Variants in POR observed in about 807,000 individuals in gnomAD.
POR encodes cytochrome p450 oxidoreductase, also known as NADPH--cytochrome P450 reductase.
POR carries 56 observed loss-of-function variants against 84.0 expected under a neutral mutation model. The ratio of observed to expected loss-of-function variants is 0.67; its 90% CI spans 0.54 to 0.83. The LOEUF is 0.83. Among genes scored for constraint, POR ranks in the 40% least tolerant of loss-of-function variants. The pLI, the probability that POR is intolerant of heterozygous loss-of-function variation, is 0.00. For synonymous variants in POR, 414 were observed against 400.5 expected (o/e 1.03, Z -0.40); for missense variants, 938 against 944.3 (o/e 0.99, Z 0.09).
At position 75,983,465 on chromosome 7, in the gene POR, G is replaced by A. The variant is rs13240147; in HGVS notation, c.831-55G>A. 0.93 allele frequency: 1,202,126 copies of A among 1,289,992 alleles called. 564,863 individuals carry two copies. The highest frequency in any genetic ancestry group is 0.96 in the Non-Finnish European group (857,499 of 890,792). 79.9% of individuals were successfully genotyped at this position (1,289,992 alleles called of 1,614,324 possible). A position where few individuals can be genotyped will look rare whatever the true frequency, so the allele number is the denominator to read the frequency against. On this transcript the variant is annotated intron_variant, in intron 8 of 15. Transcript: ENST00000461988. ...TGCAACCAGAAGCGTCCTTGGAGAC[G>A]GAGACTCAGATCAAAGCCCCGGCCG...
intron 3 of POR, among the ~76,000 whole-genome samples, chr7:75,973,514 C>T (rs533702075): frequency 7.6e-4 from 115 of 152,022 alleles, no homozygotes; most frequent in Non-Finnish European, 1.1e-3. Flanking sequence ...AACAGGTTCT[C>T]GCTATGTTGC....
chr7:75,923,986 C>T (rs533501435), intron 1 of POR, among the ~76,000 whole-genome samples: 3 of 152,206 alleles, frequency 2.0e-5, no homozygotes, highest in South Asian at 2.1e-4. Context: ...GCGTTTTCTA[C>T]GTTGGCTGCT....
intron 2 of POR, among the ~76,000 whole-genome samples, chr7:75,955,400 A>T (rs1554553618): frequency 6.6e-6 from 1 of 152,224 alleles, no homozygotes; most frequent in African/African-American, 2.4e-5. Flanking sequence ...TCCAAGATTG[A>T]TTTCCATAAG....
chr7:75,954,280 T>C (rs553625590), intron 2 of POR, 100 bp downstream of exon 2: 1 of 1,255,638 alleles, frequency 8.0e-7, no homozygotes, highest in East Asian at 2.5e-5. Context: ...GCAAGGCTCC[T>C]TGTAGCATTT....
chr7:75,960,433 C>T (rs1272731209), intron 2 of POR, among the ~76,000 whole-genome samples: 2 of 152,164 alleles, frequency 1.3e-5, no homozygotes, highest in Non-Finnish European at 2.9e-5. Context: ...AATGCTCAGC[C>T]TCTTGAGTAG....
In POR at chr7:75,986,212, C is replaced by A. The variant is rs553145252; in HGVS notation, c.1869C>A (p.Ile623=). Residue 623 remains isoleucine (I), a synonymous_variant, in exon 15 of 16, where the codon ATC becomes ATA. Coordinates refer to ENST00000461988, the MANE Select transcript of POR (RefSeq NM_000941.3). ...ACCGAGAGCACCTGTGGAAGTTGAT[C>A]GAAGGCGGTGCCCACATCTACGTCT... The A allele has an allele frequency of 1.7e-5, 28 of 1,612,416 alleles. 1 individual carries two copies. The South Asian group carries it at 2.4e-4, about 14-fold the overall frequency.
intron 1 of POR, among the ~76,000 whole-genome samples, chr7:75,951,210 C>T (rs782488212): frequency 6.6e-6 from 1 of 151,954 alleles, no homozygotes; most frequent in Admixed American, 6.6e-5. Context: ...GCCTGGCTGA[C>T]ATGGTGAAAC....
At position 75,986,803 on chromosome 7, in the gene POR, G is replaced by GTAAA; in HGVS notation, c.*326_*329dup. 3.5e-6 allele frequency: 2 copies of GTAAA among 577,014 alleles called. No individual in the cohort carries two copies. The highest frequency in any genetic ancestry group is 6.1e-6 in the Non-Finnish European group (2 of 327,222). The allele number at this position is 577,014 out of a possible 1,614,324, so 35.7% of individuals were successfully genotyped here. The stretch of plus-strand genomic sequence containing the variant: ...CCCCTCCACGTGATTTCCAGTGAGT[G>GTAAA]TAAATAATTTTAAATAACCTCTGGC... On this transcript the variant is annotated 3_prime_UTR_variant, in exon 16 of 16. Coordinates refer to ENST00000461988, the MANE Select transcript of POR (RefSeq NM_000941.3).
At chr7:75,979,390 G>A (rs1214834074) in intron 3 of POR, 61 bp from the exon 4 acceptor site, 9 of 1,584,252 alleles carry the variant, frequency 5.7e-6, no homozygotes, top group Non-Finnish European at 7.7e-6. Context: ...CCCAGTGGGT[G>A]TTCACCGGAG....
intron 1 of POR, among the ~76,000 whole-genome samples, chr7:75,918,011 C>A (rs1328388025): frequency 6.6e-6 from 1 of 151,814 alleles, no homozygotes; most frequent in African/African-American, 2.4e-5. Flanking sequence ...AAAAAAAATA[C>A]AAATACAAAA....
At chr7:75,972,107 C>T (rs1475032240) in intron 2 of POR, among the ~76,000 whole-genome samples, 1 of 152,096 alleles carries the variant, frequency 6.6e-6, no homozygotes, top group Admixed American at 6.5e-5. Flanking sequence ...TTGAGGGAAA[C>T]AAGCCCATAT....
At chr7:75,933,392 T>TG (rs1289139589) in intron 1 of POR, among the ~76,000 whole-genome samples, 2,249 of 96,148 alleles carry the variant, frequency 0.023, 67 homozygotes, top group African/African-American at 0.14. Flanking sequence ...TTTTTTTTTT[T>TG]TTTTTTTTTT....
rs1554553283 is a variant in POR, at chr7:75,953,924, C to A, written c.-4-65C>A. 4.4e-6 allele frequency: 6 copies of A among 1,365,558 alleles called. No individual in the cohort carries two copies. The African/African-American group carries it at 7.3e-5, about 17-fold the overall frequency. 84.6% of individuals were successfully genotyped at this position (1,365,558 alleles called of 1,614,324 possible). A position where few individuals can be genotyped will look rare whatever the true frequency, so the allele number is the denominator to read the frequency against. ...CAAGGCCCAGCATTTAGGTGGGCACCCCAGCCAGCCTCAGGGGCACCCTGC... is the reference window on the plus strand; with the variant it reads ...CAAGGCCCAGCATTTAGGTGGGCACACCAGCCAGCCTCAGGGGCACCCTGC... On this transcript the variant is annotated intron_variant, in intron 1 of 15. Coordinates refer to ENST00000461988, the MANE Select transcript of POR (RefSeq NM_000941.3).
chr7:75,965,250 A>C (rs1219399324), intron 2 of POR, among the ~76,000 whole-genome samples: 1 of 152,184 alleles, frequency 6.6e-6, no homozygotes, highest in African/African-American at 2.4e-5. Flanking sequence ...AGCCGAGTGC[A>C]AATGCAGGTG....
At chr7:75,927,757 G>A (rs780179070) in intron 1 of POR, among the ~76,000 whole-genome samples, 81 of 146,534 alleles carry the variant, frequency 5.5e-4, no homozygotes, top group Non-Finnish European at 1.1e-3. Context: ...TGCAACCTCT[G>A]CCTCCCGGGT....
In POR at chr7:75,979,468, G is replaced by T. The variant is rs544187501; in HGVS notation, c.255G>T (p.Val85=). 1.2e-6 allele frequency: 2 copies of T among 1,613,264 alleles called. No individual in the cohort carries two copies. The highest frequency in any genetic ancestry group is 2.7e-5 in the African/African-American group (2 of 74,928). Residue 85 remains valine (V), a synonymous_variant, in exon 4 of 16, where the codon GTG becomes GTT. Coordinates refer to ENST00000461988, the MANE Select transcript of POR (RefSeq NM_000941.3). ...TTCCTTAGGGGAGGAACATCATCGT[G>T]TTCTACGGCTCCCAGACGGGGACTG...
intron 1 of POR, among the ~76,000 whole-genome samples, chr7:75,944,633 CAACTT>C (rs67675959): frequency 0.21 from 31,380 of 151,796 alleles, 5,117 homozygotes; most frequent in African/African-American, 0.45. Flanking sequence ...ACAAAACTCT[CAACTT>C]GAATGAGAAA....
chr7:75,936,353 C>T lies in POR; in HGVS notation c.-4-17636C>T, dbSNP rs567308872. Among the ~76,000 whole-genome samples the T allele has an allele frequency of 2.0e-5, 3 of 151,856 alleles. No homozygotes were observed. The South Asian group carries it at 6.3e-4, about 32-fold the overall frequency. On this transcript the variant is annotated intron_variant, in intron 1 of 15. Transcript: ENST00000461988. ...CGAACCTCTGGCCTCAGCACTTCTCCAGCCTCGGCCTCCCAAAGTGCTGAG... is the reference window on the plus strand; with the variant it reads ...CGAACCTCTGGCCTCAGCACTTCTCTAGCCTCGGCCTCCCAAAGTGCTGAG...
At chr7:75,949,137 TTTGTTGTTGTTG>T (rs147245532) in intron 1 of POR, among the ~76,000 whole-genome samples, 3 of 151,134 alleles carry the variant, frequency 2.0e-5, no homozygotes, top group African/African-American at 4.9e-5. Context: ...ACTTCAGGGC[TTTGTTGTTGTTG>T]TTGTTGTTGT....
Sources: gnomAD v4.1 joint callset for allele counts (sites outside exome capture counted in the v4.1 genomes callset) on GRCh38, gnomAD v4.1.1 for gene constraint, MANE v1.5 for transcripts, NCBI Gene and HGNC (gene_info 2026-07-23, HGNC 2026-07-21) for gene names.